Variants in MICAL3 observed in about 807,000 individuals in gnomAD.
The protein encoded by MICAL3 is microtubule associated monooxygenase, calponin and LIM domain containing 3.
A neutral mutation model predicts 207.4 loss-of-function variants in MICAL3; 62 were observed. The ratio of observed to expected loss-of-function variants is 0.30; its 90% CI spans 0.24 to 0.37. The LOEUF (loss-of-function observed/expected upper bound fraction) is 0.37, where lower values mean the gene tolerates loss of function less well. Ranked by LOEUF, MICAL3 falls within the 10% of genes least tolerant of loss-of-function variation. MICAL3 has a pLI of 1.00. For synonymous variants in MICAL3, 1,077 were observed against 1,069.3 expected, an observed-to-expected ratio of 1.01 and a Z score of -0.14; for missense variants, 2,368 against 2,635.6, an observed-to-expected ratio of 0.90 and a Z score of 2.22.
chr22:17,976,589 A>ATATATATTTT (rs1231976773), intron 1 of MICAL3, among the ~76,000 whole-genome samples: 1 of 67,110 alleles, frequency 1.5e-5, no homozygotes. Context: ...ATATATATAT[A>ATATATATTTT]TTTTTTTTTT....
intron 1 of MICAL3, among the ~76,000 whole-genome samples, chr22:17,933,851 A>C (rs895101028): frequency 6.6e-5 from 10 of 152,220 alleles, no homozygotes; most frequent in African/African-American, 2.2e-4. Context: ...AAACACTTCT[A>C]TGCATAAACT....
At chr22:17,914,723 C>A (rs915084017) in intron 1 of MICAL3, among the ~76,000 whole-genome samples, 2 of 152,210 alleles carry the variant, frequency 1.3e-5, no homozygotes, top group African/African-American at 2.4e-5. Context: ...GGAGCCCTTT[C>A]CAAATGGCAG....
At position 17,899,471 on chromosome 22, in the gene MICAL3, G is replaced by C. The variant is rs764153040; in HGVS notation, c.925C>G (p.Leu309Val). Reference protein sequence around the residue: ...FVMTAKKQSLLDKGVILHDYA... With the variant: ...FVMTAKKQSLVDKGVILHDYA... Reference sequence around the variant, plus strand: ...ACATGTAGTATCACTCCTTTGTCCAGCAAACTCTGCTTTTTGGCTGTCATA... The same window carrying C: ...ACATGTAGTATCACTCCTTTGTCCACCAAACTCTGCTTTTTGGCTGTCATA... Residue 309 changes from leucine (L) to valine (V), a missense_variant, in exon 7 of 32, where the codon CTG becomes GTG. Leu to Val is a conservative substitution (Grantham distance 32). Around this residue, in one of 4 missense-constraint regions of MICAL3, gnomAD observed 400 missense variants for 547.0 expected, o/e 0.73. Transcript: ENST00000441493. 4.1e-5 allele frequency: 66 copies of C among 1,608,160 alleles called. No individual in the cohort carries two copies. In the South Asian group the frequency reaches 6.9e-4, roughly 17 times the overall value.
At position 17,818,619 on chromosome 22, in the gene MICAL3, C is replaced by T. The variant is rs768146715; in HGVS notation, c.4042G>A (p.Gly1348Arg). The change falls in exon 26 of 32, where the codon GGG (glycine) becomes AGG (arginine). Residue 1348 changes from glycine (G) to arginine (R), a missense_variant. Physicochemically the swap from Gly to Arg is moderately radical, Grantham distance 125 (BLOSUM62 -2). This residue lies in a region of MICAL3 where 1,770 missense variants were observed against 1,863.2 expected (regional missense o/e 0.95). Coordinates refer to ENST00000441493, the MANE Select transcript of MICAL3 (RefSeq NM_015241.3). ...LGLTPVDRSK[G>R]PEPSFPTPAF... ...GGCGTGGGGAAGCTGGGCTCGGGCC[C>T]CTTGCTGCGGTCCACAGGTGTGAGC... The T allele has an allele frequency of 1.2e-6, 2 of 1,613,614 alleles. No individual in the cohort carries two copies. Among genetic ancestry groups the T allele is most frequent in the South Asian group, 2.2e-5 (2 of 91,084 alleles).
In MICAL3 at chr22:17,825,269, T is replaced by C. The variant is rs549762422; in HGVS notation, c.3194-2209A>G. 1.5e-3 allele frequency among the ~76,000 whole-genome samples: 226 copies of C among 151,922 alleles called. 1 individual carries two copies. The highest frequency in any genetic ancestry group is 5.4e-3 in the Admixed American group (82 of 15,284). Reference sequence around the variant, plus strand: ...AAAAATCGTCACAGATAAAAAAAAATAAACAGGTGAGAAATATCAACGCAG... The same window carrying C: ...AAAAATCGTCACAGATAAAAAAAAACAAACAGGTGAGAAATATCAACGCAG... On this transcript the variant is annotated intron_variant, in intron 22 of 31. Transcript: ENST00000441493.
At chr22:17,940,021 C>G (rs1443678492) in intron 1 of MICAL3, among the ~76,000 whole-genome samples, 4 of 152,206 alleles carry the variant, frequency 2.6e-5, no homozygotes, top group Admixed American at 2.6e-4. Context: ...TCCTGTACCA[C>G]TCCTAGGCCA....
At chr22:17,830,612 C>G (rs1922700324) in intron 21 of MICAL3, among the ~76,000 whole-genome samples, 1 of 152,218 alleles carries the variant, frequency 6.6e-6, no homozygotes, top group South Asian at 2.1e-4. Flanking sequence ...GAGGCCACGC[C>G]GGCACCTGGC....
intron 21 of MICAL3, 150 bp from the exon 22 acceptor site, chr22:17,827,931 G>A: frequency 1.6e-6 from 1 of 622,698 alleles, no homozygotes; most frequent in South Asian, 1.9e-5. Context: ...GTATGCACAT[G>A]TATACACACA....
At chr22:18,001,172 G>C (rs1006785966) in intron 1 of MICAL3, 1 of 152,110 alleles carries the variant, frequency 6.6e-6, no homozygotes, top group Admixed American at 6.5e-5. Context: ...CGGACGCAGG[G>C]TTATAAGCGC....
chr22:17,834,582 A>G, intron 20 of MICAL3: 1 of 1,130,082 alleles, frequency 8.8e-7, no homozygotes, highest in Middle Eastern at 2.8e-4. Flanking sequence ...TAAATTAAAA[A>G]TAACAAAAGC....
intron 10 of MICAL3, among the ~76,000 whole-genome samples, chr22:17,894,317 A>G (rs1288153205): frequency 6.6e-6 from 1 of 151,548 alleles, no homozygotes; most frequent in East Asian, 1.9e-4. Flanking sequence ...CCTTGAGACC[A>G]GGAAGTCAAA....
intron 1 of MICAL3, among the ~76,000 whole-genome samples, chr22:17,997,448 C>T (rs1336347728): frequency 2.0e-5 from 3 of 152,184 alleles, no homozygotes; most frequent in African/African-American, 4.8e-5. Context: ...AATGACCCCC[C>T]ACCTGGCTAG....
intron 16 of MICAL3, among the ~76,000 whole-genome samples, chr22:17,877,576 GGGAAGTTAT>G (rs1369353472): frequency 2.0e-4 from 25 of 123,356 alleles, no homozygotes; most frequent in East Asian, 7.5e-4. Context: ...AGGGAGGTTA[GGGAAGTTAT>G]GGAGGTTAGG....
chr22:17,951,698 TTTC>T (rs914033812), intron 1 of MICAL3, among the ~76,000 whole-genome samples: 12 of 143,208 alleles, frequency 8.4e-5, no homozygotes, highest in African/African-American at 3.5e-4. Context: ...TTAAAATTTC[TTTC>T]TTTTTTTTTT....
chr22:17,849,464 A>G (rs1257717291), intron 19 of MICAL3, among the ~76,000 whole-genome samples: 1 of 152,126 alleles, frequency 6.6e-6, no homozygotes, highest in Non-Finnish European at 1.5e-5. Flanking sequence ...CCTCCTGAGT[A>G]GCTGAGACTA....
chr22:17,799,541 A>C (rs2061914786), intron 29 of MICAL3, among the ~76,000 whole-genome samples: 1 of 152,206 alleles, frequency 6.6e-6, no homozygotes, highest in Non-Finnish European at 1.5e-5. Flanking sequence ...CTGACTAAGA[A>C]GGCACTCGGC....
intron 1 of MICAL3, among the ~76,000 whole-genome samples, chr22:17,974,017 C>T (rs1935529901): frequency 1.3e-5 from 2 of 152,178 alleles, no homozygotes; most frequent in Admixed American, 1.3e-4. Context: ...AAGACTCACC[C>T]AAAAATGGTT....
chr22:17,841,726 G>A lies in MICAL3; in HGVS notation c.2801+96C>T, dbSNP rs1466572546. On this transcript the variant is annotated intron_variant, in intron 20 of 31. Transcript: ENST00000441493. The surrounding 1 kb of genome is among the most constrained non-coding windows in gnomAD (Gnocchi z 4.2). Reference sequence around the variant, plus strand: ...ACTGCGGGCAGCAGGAAAGACAGGAGGCCTCCCTTCACTGAGAAGAAACCG... The same window carrying A: ...ACTGCGGGCAGCAGGAAAGACAGGAAGCCTCCCTTCACTGAGAAGAAACCG... The A allele has an allele frequency of 7.8e-7, 1 of 1,276,030 alleles. No homozygotes were observed. The highest frequency in any genetic ancestry group is 1.1e-6 in the Non-Finnish European group (1 of 915,302). 79.0% of individuals were successfully genotyped at this position (1,276,030 alleles called of 1,614,324 possible).
intron 1 of MICAL3, among the ~76,000 whole-genome samples, chr22:17,920,259 C>A (rs910085189): frequency 6.6e-6 from 1 of 152,334 alleles, no homozygotes; most frequent in East Asian, 1.9e-4. Flanking sequence ...CTGTACCTGC[C>A]CCGTCATCTC....
Sources: gnomAD v4.1 joint callset for allele counts (sites outside exome capture counted in the v4.1 genomes callset) on GRCh38, gnomAD v4.1.1 for gene constraint, gnomAD v4.1.1 regional missense constraint, Gnocchi (gnomAD v3.1) non-coding constraint, MANE v1.5 for transcripts, NCBI Gene and HGNC (gene_info 2026-07-23, HGNC 2026-07-21) for gene names.